Variants in TTN observed in about 807,000 individuals in gnomAD.
TTN encodes the protein connectin.
Under a neutral mutation model 3,223.0 loss-of-function variants are expected in TTN, and 1,525 were observed. The observed-to-expected ratio is 0.47, with a 90% confidence interval of 0.45 to 0.49. The LOEUF is 0.49. TTN is among the 20% of genes least tolerant of loss of function. The pLI is 0.00. For synonymous variants in TTN, 14,094 were observed against 15,161.0 expected, an observed-to-expected ratio of 0.93 and a Z score of 5.17; for missense variants, 40,786 against 43,424.0, an observed-to-expected ratio of 0.94 and a Z score of 5.40.
chr2:178,738,008 C>A, intron 49 of TTN, 74 bp downstream of exon 49: 1 of 1,551,130 alleles, frequency 6.4e-7, no homozygotes, highest in Non-Finnish European at 8.7e-7. Flanking sequence ...GCATTTCCCA[C>A]ACATGTACAG....
At chr2:178,770,367 T>C (rs746401964) in intron 35 of TTN, 45 bp downstream of exon 35, 2 of 1,614,160 alleles carry the variant, frequency 1.2e-6, no homozygotes, top group South Asian at 2.2e-5. Context: ...AACTTAATGG[T>C]AACCATGGGC....
Position 178,692,503 on chromosome 2 carries a change from G to T in TTN, c.31672C>A (p.Pro10558Thr), listed in dbSNP as rs769915175. Residue 10558 changes from proline (P) to threonine (T), a missense_variant, in exon 120 of 363, where the codon CCA becomes ACA. Transcript: ENST00000589042. Reference protein sequence around the residue: ...PIPKKVEPPAPKVPEVPKKPV... With the variant: ...PIPKKVEPPATKVPEVPKKPV... ...TTCACAAATATTATTCTACCTTTTG[G>T]TGCTGGGGGCTCCACTTTTTTAGGG... 1.9e-6 allele frequency: 3 copies of T among 1,578,326 alleles called. No homozygotes were observed. The highest frequency in any genetic ancestry group is 2.6e-6 in the Non-Finnish European group (3 of 1,160,474).
chr2:178,777,069 G>A lies in TTN; in HGVS notation c.4815-20C>T. On this transcript the variant is annotated intron_variant, in intron 27 of 362. Transcript: ENST00000589042. ...TCAATTCTATAAAAAGTTGGGGGAG[G>A]GAATAATCAATATAGTGGTATAGCT... 2 of 1,613,866 alleles carry A rather than the reference G, an allele frequency of 1.2e-6. No individual in the cohort carries two copies. Among genetic ancestry groups the A allele is most frequent in the African/African-American group, 1.3e-5 (1 of 75,018 alleles).
In TTN at chr2:178,592,818, A is replaced by T. The variant is rs2050519675; in HGVS notation, c.59301T>A (p.Asp19767Glu). Residue 19767 changes from aspartate to glutamate, a missense_variant, in exon 300 of 363, where the codon GAT becomes GAA. Coordinates refer to ENST00000589042, the MANE Select transcript of TTN (RefSeq NM_001267550.2). ...GGACTGGCTCCGGAACATGAGCTGG[A>T]TCTGATTCACCAGCTGCATTGACTG... ...VLAVNAAGES[D>E]PAHVPEPVLV... The T allele has an allele frequency of 2.5e-6, 4 of 1,613,422 alleles. No homozygotes were observed. Among genetic ancestry groups the T allele is most frequent in the Non-Finnish European group, 3.4e-6 (4 of 1,179,646 alleles).
intron 218 of TTN, among the ~76,000 whole-genome samples, chr2:178,643,527 G>A (rs558696727): frequency 1.3e-5 from 2 of 151,986 alleles, no homozygotes; most frequent in South Asian, 2.1e-4. Context: ...TCTAATTAAT[G>A]TAAAGTGAGG....
intron 121 of TTN, among the ~76,000 whole-genome samples, chr2:178,690,922 G>C (rs2072248180): frequency 6.6e-6 from 1 of 152,130 alleles, no homozygotes; most frequent in African/African-American, 2.4e-5. Context: ...AAACAGTCAA[G>C]AATGTTCAGA....
Position 178,576,656 on chromosome 2 carries a change from A to T in TTN, c.69588T>A (p.Asp23196Glu). 1 of 1,613,440 alleles carries T rather than the reference A, an allele frequency of 6.2e-7. No homozygotes were observed. Among genetic ancestry groups the T allele is most frequent in the Non-Finnish European group, 8.5e-7 (1 of 1,179,582 alleles). ...WVRAIKTPVS[D>E]LRCKVTGLQE... Reference sequence around the variant, plus strand: ...GCAGTCCTGTTACTTTGCACCTGAGATCGGAAACTGGTGTTTTTATTGCTC... The same window carrying T: ...GCAGTCCTGTTACTTTGCACCTGAGTTCGGAAACTGGTGTTTTTATTGCTC... Residue 23196 changes from aspartate (D) to glutamate (E), a missense_variant, in exon 325 of 363, where the codon GAT (aspartate) becomes GAA (glutamate). Coordinates refer to ENST00000589042, the MANE Select transcript of TTN (RefSeq NM_001267550.2). This position sits in a 1 kb window ranked among gnomAD's most constrained non-coding sequence, Gnocchi z 4.3.
Position 178,620,412 on chromosome 2 carries a change from T to A in TTN, c.46109A>T (p.Glu15370Val). The A allele has an allele frequency of 6.2e-7, 1 of 1,612,314 alleles. No individual in the cohort carries two copies. Among genetic ancestry groups the A allele is most frequent in the East Asian group, 2.2e-5 (1 of 44,722 alleles). ...IKDCGFPDEG[E>V]YIVTAGQDKS... ...ATCTTGTCCAGCAGTGACAATGTAT[T>A]CACCTTCATCTGGGAAGCCACAGTC... is the stretch of plus-strand genomic sequence containing the variant. Residue 15370 changes from glutamate (E) to valine (V), a missense_variant, in exon 248 of 363, where the codon GAA becomes GTA. Transcript: ENST00000589042.
At position 178,563,763 on chromosome 2, in the gene TTN, CCA is replaced by C; in HGVS notation, c.82367_82368del (p.Leu27456Ter). 1.2e-6 allele frequency: 2 copies of C among 1,613,688 alleles called. No homozygotes were observed. Among genetic ancestry groups the C allele is most frequent in the Non-Finnish European group, 1.7e-6 (2 of 1,179,744 alleles). ...TTACAGGCCGTAACAGGCCCAGATTCCAAGGGCTCTCCAATTCCATATTTATT... is the reference window on the plus strand; with the variant it reads ...TTACAGGCCGTAACAGGCCCAGATTCAGGGCTCTCCAATTCCATATTTATT... The part of the protein sequence containing the change: ...AVNKYGIGEP[L>X]ESGPVTACNP... On this transcript the variant is annotated frameshift_variant, in exon 326 of 363. Transcript: ENST00000589042. LOFTEE classifies it high-confidence loss of function. The surrounding 1 kb of genome is among the most constrained non-coding windows in gnomAD (Gnocchi z 4.5).
chr2:178,676,237 A>G (rs2068053144), intron 147 of TTN: 1 of 335,688 alleles, frequency 3.0e-6, no homozygotes, highest in South Asian at 8.2e-5. Flanking sequence ...CGGTTTTGAC[A>G]TTACTTTTAA....
At position 178,598,215 on chromosome 2, in the gene TTN, C is replaced by T. The variant is rs556382754; in HGVS notation, c.57112-157G>A. ...TAGGGATCAGATATTACAGGCAACACTGAATGGAATAACTTGGCAGGAGTT... is the reference window on the plus strand; with the variant it reads ...TAGGGATCAGATATTACAGGCAACATTGAATGGAATAACTTGGCAGGAGTT... On this transcript the variant is annotated intron_variant, in intron 292 of 362. Coordinates refer to ENST00000589042, the MANE Select transcript of TTN (RefSeq NM_001267550.2). 2.6e-5 allele frequency among the ~76,000 whole-genome samples: 4 copies of T among 152,208 alleles called. No individual in the cohort carries two copies. The South Asian group carries it at 8.3e-4, about 32-fold the overall frequency.
chr2:178,800,653 G>T lies in TTN; in HGVS notation c.325C>A (p.Arg109=). The change falls in exon 4 of 363, where the codon CGA becomes AGA. Residue 109 remains arginine (R), a synonymous_variant. Coordinates refer to ENST00000589042, the MANE Select transcript of TTN (RefSeq NM_001267550.2). ...AETAPPNFVQ[R]LQSMTVRQGS... is the part of the protein sequence containing the mutation. ...TGTCTCACGGTCATGCTCTGCAGTCGTTGAACGAAGTTGGGTGGTGCTGTC... is the reference window on the plus strand; with the variant it reads ...TGTCTCACGGTCATGCTCTGCAGTCTTTGAACGAAGTTGGGTGGTGCTGTC... The T allele has an allele frequency of 6.2e-7, 1 of 1,609,720 alleles. No homozygotes were observed. Among genetic ancestry groups the T allele is most frequent in the Non-Finnish European group, 8.5e-7 (1 of 1,177,650 alleles).
intron 47 of TTN, chr2:178,749,034 C>T (rs2084566391): frequency 6.2e-7 from 1 of 1,612,598 alleles, no homozygotes; most frequent in African/African-American, 1.3e-5. Flanking sequence ...CTATGCTTCA[C>T]CTTTTTCCCC....
intron 4 of TTN, 104 bp from the exon 5 acceptor site, chr2:178,800,014 C>T (rs1418687776): frequency 4.0e-6 from 5 of 1,255,766 alleles, no homozygotes; most frequent in Non-Finnish European, 5.6e-6. Flanking sequence ...TTCTGGATAT[C>T]CCAATGGAGA....
intron 49 of TTN, among the ~76,000 whole-genome samples, chr2:178,736,844 T>C (rs539715125): frequency 3.3e-5 from 5 of 152,210 alleles, no homozygotes; most frequent in Non-Finnish European, 7.3e-5. Context: ...TGGGTCATCA[T>C]GGGCCTGGGT....
chr2:178,728,083 A>G (rs926758038), intron 67 of TTN, 27 bp downstream of exon 67: 2 of 1,528,292 alleles, frequency 1.3e-6, no homozygotes, highest in South Asian at 1.3e-5. Flanking sequence ...GCAAGGAAGA[A>G]TCAAGAAGAG....
Position 178,581,560 on chromosome 2 carries a change from A to G in TTN, c.66708T>C (p.Asn22236=). 1 of 1,612,446 alleles carries G rather than the reference A, an allele frequency of 6.2e-7. No individual in the cohort carries two copies. Among genetic ancestry groups the G allele is most frequent in the Non-Finnish European group, 8.5e-7 (1 of 1,179,012 alleles). Residue 22236 remains asparagine, a synonymous_variant, in exon 316 of 363, where the codon AAT becomes AAC. Coordinates refer to ENST00000589042, the MANE Select transcript of TTN (RefSeq NM_001267550.2). ...TQYQFRVYAV[N]KIGYSDPSDV... ...CACTGGGGTCACTGTATCCAATCTT[A>G]TTAACGGCATACACACGGAATTGAT...
At position 178,775,958 on chromosome 2, in the gene TTN, T is replaced by A. The variant is rs769506433; in HGVS notation, c.5906A>T (p.Asp1969Val). 3 of 1,614,140 alleles carry A rather than the reference T, an allele frequency of 1.9e-6. No homozygotes were observed. In the South Asian group the frequency reaches 3.3e-5, roughly 18 times the overall value. ...FEVQKVDRPVDTTETKEVVKL... is the reference protein window; with the variant it reads ...FEVQKVDRPVVTTETKEVVKL... ...CACAACTTCTTTGGTTTCAGTGGTG[T>A]CAACAGGTCTATCCACTTTTTGTAC... Residue 1969 changes from aspartate (D) to valine (V), a missense_variant, in exon 28 of 363, where the codon GAC becomes GTC. Asp to Val is a radical substitution (Grantham distance 152). Transcript: ENST00000589042.
At chr2:178,683,349 G>A in intron 133 of TTN, 58 bp from the exon 134 acceptor site, 1 of 1,119,698 alleles carries the variant, frequency 8.9e-7, no homozygotes, top group Non-Finnish European at 1.3e-6. Flanking sequence ...TGTGTGTGAA[G>A]AGAAATTTTG....
Sources: allele counts gnomAD v4.1 joint callset (sites outside exome capture counted in the v4.1 genomes callset), GRCh38; gene constraint gnomAD v4.1.1; non-coding constraint Gnocchi (gnomAD v3.1); transcripts MANE v1.5; gene names NCBI Gene and HGNC (gene_info 2026-07-23, HGNC 2026-07-21).